The following GPHN variants were observed in gnomAD, a reference collection of about 807,000 sequenced individuals.
GPHN encodes gephyrin.
Under a neutral mutation model 95.5 loss-of-function variants are expected in GPHN, and 17 were observed. That is an observed-to-expected ratio of 0.18 (90% CI 0.12 to 0.27). GPHN has a LOEUF of 0.27. Among genes scored for constraint, GPHN ranks in the 10% least tolerant of loss-of-function variants. GPHN has a pLI of 1.00. For synonymous variants in GPHN, 320 were observed against 322.5 expected, an observed-to-expected ratio of 0.99 and a Z score of 0.08; for missense variants, 660 against 978.1, an observed-to-expected ratio of 0.67 and a Z score of 4.34.
the GPHN span, chr14:67,590,228 T>C: frequency 7.4e-7 from 1 of 1,348,708 alleles, no homozygotes; most frequent in South Asian, 1.5e-5. Context: ...GGGAGTGCAG[T>C]GGTGCTGCAT....
the GPHN span, among the ~76,000 whole-genome samples, chr14:67,675,465 T>C: frequency 6.6e-6 from 1 of 151,954 alleles, no homozygotes; most frequent in Admixed American, 6.6e-5. Context: ...AGCGAGATCT[T>C]GTCTCCAAAA....
At chr14:67,273,650 G>A in the GPHN span, among the ~76,000 whole-genome samples, 1 of 152,114 alleles carries the variant, frequency 6.6e-6, no homozygotes, top group Non-Finnish European at 1.5e-5. Context: ...TAATGGGATG[G>A]CTGGGTCAAA....
the GPHN span, chr14:67,651,609 G>A: frequency 2.0e-6 from 2 of 1,015,084 alleles, no homozygotes; most frequent in East Asian, 2.8e-5. Flanking sequence ...CAGCCACTTA[G>A]CAGGAAGTAC....
chr14:66,749,536 C>T (rs1173971444), intron 2 of GPHN, among the ~76,000 whole-genome samples: 1 of 151,914 alleles, frequency 6.6e-6, no homozygotes, highest in Non-Finnish European at 1.5e-5. Context: ...ATTGAACATT[C>T]TAATAGGCTT....
At chr14:67,062,688 T>C (rs1185813499) in intron 11 of GPHN, among the ~76,000 whole-genome samples, 1 of 152,156 alleles carries the variant, frequency 6.6e-6, no homozygotes, top group Non-Finnish European at 1.5e-5. Context: ...GCATTTTTTC[T>C]TGTGTCTGTT....
chr14:67,395,406 G>A, the GPHN span: 1 of 1,613,630 alleles, frequency 6.2e-7, no homozygotes, highest in Non-Finnish European at 8.5e-7. Flanking sequence ...ACTCACTGCA[G>A]GCTGATGTGC....
At chr14:67,486,664 C>T in the GPHN span, among the ~76,000 whole-genome samples, 254 of 152,288 alleles carry the variant, frequency 1.7e-3, no homozygotes, top group Non-Finnish European at 2.6e-3. Context: ...TTCCCCTTGC[C>T]TTCCACCATG....
chr14:67,011,399 C>T (rs1259182292), intron 9 of GPHN, among the ~76,000 whole-genome samples: 1 of 150,394 alleles, frequency 6.6e-6, no homozygotes, highest in Non-Finnish European at 1.5e-5. Flanking sequence ...ATAGGGTGAC[C>T]CCACCTCTAC....
intron 3 of GPHN, among the ~76,000 whole-genome samples, chr14:66,805,617 A>C (rs997606698): frequency 2.0e-5 from 3 of 152,122 alleles, no homozygotes; most frequent in African/African-American, 7.2e-5. Flanking sequence ...AATGGGGAAA[A>C]TTGGCCAAAA....
At chr14:67,084,003 G>A (rs2076792938) in intron 11 of GPHN, among the ~76,000 whole-genome samples, 1 of 152,164 alleles carries the variant, frequency 6.6e-6, no homozygotes, top group Admixed American at 6.5e-5. Flanking sequence ...GTGACTGAGT[G>A]CCTTTTACAT....
the GPHN span, chr14:67,593,490 CAAA>C: frequency 2.8e-3 from 903 of 326,160 alleles, no homozygotes; most frequent in Middle Eastern, 3.9e-3. Flanking sequence ...GACCCTGTCT[CAAA>C]AAAAAAAAAA....
the GPHN span, among the ~76,000 whole-genome samples, chr14:67,351,907 C>A: frequency 8.9e-6 from 1 of 112,742 alleles, no homozygotes; most frequent in Admixed American, 1.0e-4. Flanking sequence ...CATAGAACCT[C>A]TACCAAAAAA....
In GPHN at chr14:66,515,703, G is replaced by A. The variant is rs527772523; in HGVS notation, c.64+7112G>A. Among the ~76,000 whole-genome samples the A allele has an allele frequency of 5.3e-5, 8 of 152,248 alleles. No homozygotes were observed. The South Asian group carries it at 1.7e-3, about 32-fold the overall frequency. ...ACAGTTTCCTTACCTTTAAATGGGGGTAAGTGTGTTTACCTTGATGGGTTA... is the reference window on the plus strand; with the variant it reads ...ACAGTTTCCTTACCTTTAAATGGGGATAAGTGTGTTTACCTTGATGGGTTA... On this transcript the variant is annotated intron_variant, in intron 1 of 22. Transcript: ENST00000478722.
the GPHN span, among the ~76,000 whole-genome samples, chr14:67,516,415 G>A: frequency 3.9e-5 from 6 of 152,160 alleles, no homozygotes; most frequent in African/African-American, 1.4e-4. Context: ...GAAATGAGGA[G>A]AGGGACAACA....
chr14:66,812,417 T>C (rs1430507898), intron 3 of GPHN, among the ~76,000 whole-genome samples: 1 of 152,220 alleles, frequency 6.6e-6, no homozygotes, highest in East Asian at 1.9e-4. Context: ...CAAGTGAACA[T>C]GACCCATTCT....
the GPHN span, among the ~76,000 whole-genome samples, chr14:67,394,695 G>C: frequency 6.6e-6 from 1 of 152,184 alleles, no homozygotes; most frequent in Admixed American, 6.5e-5. Context: ...ACTGTGGTTT[G>C]AATGTTTATC....
the GPHN span, among the ~76,000 whole-genome samples, chr14:67,355,829 C>CAA: frequency 6.1e-5 from 8 of 130,542 alleles, no homozygotes; most frequent in African/African-American, 2.3e-4. Flanking sequence ...CCTGTCTCTA[C>CAA]AAAAAAAAAA....
chr14:66,603,137 C>T (rs1157859950), intron 1 of GPHN, among the ~76,000 whole-genome samples: 1 of 151,682 alleles, frequency 6.6e-6, no homozygotes, highest in Non-Finnish European at 1.5e-5. Flanking sequence ...ATGAAATCCT[C>T]CTGGTACAAA....
At chr14:67,053,623 A>G (rs1344164891) in intron 10 of GPHN, among the ~76,000 whole-genome samples, 1 of 152,224 alleles carries the variant, frequency 6.6e-6, no homozygotes, top group Non-Finnish European at 1.5e-5. Context: ...TGAGGCCAGC[A>G]TCATCCTGAT....
Sources: gnomAD v4.1 joint callset for allele counts (sites outside exome capture counted in the v4.1 genomes callset) on GRCh38, gnomAD v4.1.1 for gene constraint, MANE v1.5 for transcripts, NCBI Gene and HGNC (gene_info 2026-07-23, HGNC 2026-07-21) for gene names.